SPMIP2: variants seen among roughly 807,000 people sequenced by gnomAD.
The protein encoded by SPMIP2 is protein SPMIP2.
chr4:158,990,901 T>G, the SPMIP2 span, among the ~76,000 whole-genome samples: 1 of 152,082 alleles, frequency 6.6e-6, no homozygotes. Flanking sequence ...ATAGCTCAAA[T>G]AAATTCATTT....
At chr4:159,032,311 T>G in the SPMIP2 span, among the ~76,000 whole-genome samples, 1 of 152,228 alleles carries the variant, frequency 6.6e-6, no homozygotes, top group Non-Finnish European at 1.5e-5. Flanking sequence ...GTTATATATC[T>G]GTTTGTATCT....
At chr4:159,020,767 T>C in the SPMIP2 span, among the ~76,000 whole-genome samples, 1 of 152,166 alleles carries the variant, frequency 6.6e-6, no homozygotes, top group Non-Finnish European at 1.5e-5. Context: ...TTGTTGTTGT[T>C]GTTTTTGTTG....
the SPMIP2 span, among the ~76,000 whole-genome samples, chr4:158,942,419 A>C: frequency 6.6e-6 from 1 of 152,216 alleles, no homozygotes; most frequent in Non-Finnish European, 1.5e-5. Context: ...CTTTGCACTC[A>C]GTTGTTAAAC....
the SPMIP2 span, among the ~76,000 whole-genome samples, chr4:159,058,776 G>A: frequency 6.6e-6 from 1 of 152,050 alleles, no homozygotes; most frequent in Non-Finnish European, 1.5e-5. Context: ...TTGAGAATAA[G>A]ATACCTTTTT....
chr4:158,994,938 G>T, the SPMIP2 span, among the ~76,000 whole-genome samples: 1 of 152,252 alleles, frequency 6.6e-6, no homozygotes, highest in East Asian at 1.9e-4. Flanking sequence ...AATTCAGTTG[G>T]TACAATTATG....
chr4:159,070,046 C>CT, the SPMIP2 span, among the ~76,000 whole-genome samples: 1,426 of 144,680 alleles, frequency 9.9e-3, 23 homozygotes, highest in African/African-American at 0.03. Flanking sequence ...AGGTGGTACA[C>CT]TTTTTTTTTT....
chr4:159,003,342 T>A, the SPMIP2 span, among the ~76,000 whole-genome samples: 1 of 152,226 alleles, frequency 6.6e-6, no homozygotes, highest in South Asian at 2.1e-4. Context: ...AGTTTCTTTA[T>A]CTGAAAAATA....
chr4:158,990,307 A>G, the SPMIP2 span, among the ~76,000 whole-genome samples: 1 of 152,230 alleles, frequency 6.6e-6, no homozygotes, highest in African/African-American at 2.4e-5. Flanking sequence ...ACTATTGTGG[A>G]AGACAGTGTG....
chr4:158,917,674 TG>T, the SPMIP2 span, among the ~76,000 whole-genome samples: 1 of 151,912 alleles, frequency 6.6e-6, no homozygotes, highest in Non-Finnish European at 1.5e-5. Flanking sequence ...GAAGACTTTT[TG>T]TTCCTGTCAT....
At chr4:158,908,242 C>CAGATGATAG in the SPMIP2 span, among the ~76,000 whole-genome samples, 1 of 152,048 alleles carries the variant, frequency 6.6e-6, no homozygotes, top group Non-Finnish European at 1.5e-5. Flanking sequence ...GCTGGGGGCT[C>CAGATGATAG]AGATGATAGG....
At chr4:159,079,774 C>A in the SPMIP2 span, among the ~76,000 whole-genome samples, 1 of 152,034 alleles carries the variant, frequency 6.6e-6, no homozygotes, top group African/African-American at 2.4e-5. Context: ...TTTTAATCAC[C>A]TTTTGGTTTT....
chr4:159,080,338 TC>T, the SPMIP2 span, among the ~76,000 whole-genome samples: 1 of 151,898 alleles, frequency 6.6e-6, no homozygotes, highest in South Asian at 2.1e-4. Flanking sequence ...CACCTCCACC[TC>T]CCAAGTAACC....
At chr4:158,917,473 G>A in the SPMIP2 span, among the ~76,000 whole-genome samples, 4 of 151,534 alleles carry the variant, frequency 2.6e-5, no homozygotes, top group Admixed American at 6.6e-5. Flanking sequence ...TCCTCAGCCC[G>A]TCTCTACTTT....
At chr4:158,901,193 C>A in the SPMIP2 span, among the ~76,000 whole-genome samples, 1 of 135,704 alleles carries the variant, frequency 7.4e-6, no homozygotes, top group Admixed American at 8.3e-5. Context: ...AGTGCAGTGG[C>A]GTGATCTTAG....
the SPMIP2 span, among the ~76,000 whole-genome samples, chr4:159,065,336 A>G: frequency 2.0e-5 from 3 of 152,254 alleles, no homozygotes; most frequent in African/African-American, 4.8e-5. Context: ...GTTTCATACC[A>G]TAAGGAAGAG....
the SPMIP2 span, among the ~76,000 whole-genome samples, chr4:158,971,154 A>G: frequency 6.6e-6 from 1 of 152,146 alleles, no homozygotes; most frequent in Non-Finnish European, 1.5e-5. Context: ...TTAAAGATAA[A>G]GAGGGAGAGA....
At chr4:158,946,035 A>G in the SPMIP2 span, among the ~76,000 whole-genome samples, 2 of 152,160 alleles carry the variant, frequency 1.3e-5, no homozygotes, top group African/African-American at 2.4e-5. Flanking sequence ...TCTCTCCAAA[A>G]TGCTAAGAAA....
the SPMIP2 span, among the ~76,000 whole-genome samples, chr4:158,952,166 T>C: frequency 1.3e-5 from 2 of 152,204 alleles, no homozygotes; most frequent in Non-Finnish European, 2.9e-5. Flanking sequence ...AATTTACCAA[T>C]GAATCAGTAC....
the SPMIP2 span, among the ~76,000 whole-genome samples, chr4:159,041,729 C>T: frequency 6.6e-6 from 1 of 152,236 alleles, no homozygotes; most frequent in African/African-American, 2.4e-5. Flanking sequence ...CTCCTCCCAC[C>T]AGTTTAATTT....
Sources: allele counts gnomAD v4.1 joint callset (sites outside exome capture counted in the v4.1 genomes callset), GRCh38; gene constraint gnomAD v4.1.1; transcripts MANE v1.5; gene names NCBI Gene and HGNC (gene_info 2026-07-23, HGNC 2026-07-21).